The following AOPEP variants were observed in gnomAD, a reference collection of about 807,000 sequenced individuals.
AOPEP encodes the protein aminopeptidase O.
A neutral mutation model predicts 98.1 loss-of-function variants in AOPEP; 77 were observed. That is an observed-to-expected ratio of 0.78 (90% CI 0.65 to 0.95). The LOEUF is 0.95. Among genes scored for constraint, AOPEP ranks in the 40% least tolerant of loss-of-function variants. The pLI is 0.00. For missense variants in AOPEP, 1,024 were observed against 1,024.7 expected (o/e 1.00, Z 0.01); for synonymous variants, 346 against 365.3 (o/e 0.95, Z 0.60).
intron 1 of AOPEP, among the ~76,000 whole-genome samples, chr9:94,744,606 C>A (rs1476602759): frequency 1.4e-5 from 2 of 145,138 alleles, no homozygotes; most frequent in Admixed American, 7.2e-5. Flanking sequence ...GAGGCTGAGG[C>A]AGGAGAATCA....
the AOPEP span, among the ~76,000 whole-genome samples, chr9:95,132,292 G>A: frequency 0.074 from 11,273 of 152,314 alleles, 588 homozygotes; most frequent in South Asian, 0.24. Flanking sequence ...CCAAAGAATA[G>A]CTTTCTGGGC....
At chr9:95,085,595 C>A in intron 16 of AOPEP, 2 of 425,458 alleles carry the variant, frequency 4.7e-6, no homozygotes, top group Non-Finnish European at 9.5e-6. Context: ...GCTGACGGGC[C>A]GGCCGCTGCT....
intron 3 of AOPEP, among the ~76,000 whole-genome samples, chr9:94,775,410 G>T (rs1390837516): frequency 6.8e-6 from 1 of 148,080 alleles, no homozygotes; most frequent in African/African-American, 2.5e-5. Flanking sequence ...TTGCTCTGTC[G>T]CCAGGCTGGA....
chr9:94,864,821 G>A (rs1175869441), intron 5 of AOPEP, among the ~76,000 whole-genome samples: 1 of 152,170 alleles, frequency 6.6e-6, no homozygotes, highest in African/African-American at 2.4e-5. Flanking sequence ...ATAGGTTGCT[G>A]TTAGAGCCAG....
the AOPEP span, among the ~76,000 whole-genome samples, chr9:95,124,323 C>G: frequency 6.6e-6 from 1 of 152,112 alleles, no homozygotes; most frequent in African/African-American, 2.4e-5. Context: ...ATAAACATTA[C>G]TTCTGTGGCC....
intron 13 of AOPEP, among the ~76,000 whole-genome samples, chr9:95,009,063 C>T (rs546600777): frequency 2.3e-4 from 35 of 152,182 alleles, no homozygotes; most frequent in East Asian, 1.7e-3. Flanking sequence ...GAATAACTAA[C>T]GAAGAACAAT....
rs16911887 is a variant in AOPEP at position 94,972,323 on chromosome 9, G to A, written c.1916+4522G>A. On this transcript the variant is annotated intron_variant, in intron 10 of 16. Transcript: ENST00000375315. The surrounding 1 kb of genome is among the most constrained non-coding windows in gnomAD (Gnocchi z 4.2). ...GGCAGAGGGAGTGAAAGGGACGAGC[G>A]TTGGAAGGCAGAAAGATGCTGTCAG... 0.078 allele frequency among the ~76,000 whole-genome samples: 11,808 copies of A among 152,160 alleles called. 1,153 individuals carry two copies. Among genetic ancestry groups the A allele is most frequent in the African/African-American group, 0.23 (9,383 of 41,466 alleles).
chr9:95,003,406 T>C (rs1316470031), intron 11 of AOPEP, among the ~76,000 whole-genome samples: 1 of 152,220 alleles, frequency 6.6e-6, no homozygotes, highest in Non-Finnish European at 1.5e-5. Flanking sequence ...ACATCAATAT[T>C]GAATGGCTCA....
rs2067565994 is a variant in AOPEP at position 95,063,810 on chromosome 9, G to A, written c.2232+3000G>A. Among the ~76,000 whole-genome samples the A allele has an allele frequency of 5.3e-5, 8 of 152,214 alleles. No homozygotes were observed. The South Asian group carries it at 1.7e-3, about 32-fold the overall frequency. On this transcript the variant is annotated intron_variant, in intron 14 of 16. Coordinates refer to ENST00000375315, the MANE Select transcript of AOPEP (RefSeq NM_001193329.3). ...TCTTCTCCGGGGTGCTGCTTCACTG[G>A]AGGTCTCCCTTCAGGGTCTGGCCCT...
chr9:94,856,116 T>C (rs1366830924), intron 5 of AOPEP, among the ~76,000 whole-genome samples: 2 of 152,190 alleles, frequency 1.3e-5, no homozygotes, highest in Admixed American at 1.3e-4. Context: ...TGACCACGAA[T>C]GGCTGGGAAT....
At chr9:94,903,805 A>G (rs1588802704) in intron 5 of AOPEP, among the ~76,000 whole-genome samples, 1 of 144,322 alleles carries the variant, frequency 6.9e-6, no homozygotes, top group Admixed American at 7.2e-5. Context: ...AAGACAGGAG[A>G]ATTGCTTGAA....
intron 5 of AOPEP, among the ~76,000 whole-genome samples, chr9:94,915,992 A>G (rs1162354870): frequency 3.1e-4 from 47 of 152,172 alleles, no homozygotes; most frequent in Non-Finnish European, 1.5e-5. Flanking sequence ...AGCTGCCCCA[A>G]CGTGTCCCTC....
intron 3 of AOPEP, among the ~76,000 whole-genome samples, chr9:94,778,558 G>T (rs1842661318): frequency 6.6e-6 from 1 of 152,112 alleles, no homozygotes. Context: ...ATTTTGAGAA[G>T]AAGTCAAACC....
At chr9:94,886,456 T>A (rs1267617731) in intron 5 of AOPEP, among the ~76,000 whole-genome samples, 1 of 152,238 alleles carries the variant, frequency 6.6e-6, no homozygotes, top group African/African-American at 2.4e-5. Context: ...AAGAAGATTG[T>A]CACACTAGTT....
At chr9:94,755,112 T>G (rs1278457737) in intron 1 of AOPEP, among the ~76,000 whole-genome samples, 1 of 152,184 alleles carries the variant, frequency 6.6e-6, no homozygotes, top group Non-Finnish European at 1.5e-5. Flanking sequence ...CACACTTATT[T>G]TAGACACAGC....
At chr9:94,939,242 C>A (rs1341221204) in intron 7 of AOPEP, among the ~76,000 whole-genome samples, 13 of 128,302 alleles carry the variant, frequency 1.0e-4, no homozygotes, top group African/African-American at 3.4e-4. Context: ...AGTGAGACTT[C>A]GTGTCAGAAA....
At chr9:94,775,567 A>C (rs1418859418) in intron 3 of AOPEP, among the ~76,000 whole-genome samples, 1 of 152,044 alleles carries the variant, frequency 6.6e-6, no homozygotes, top group Admixed American at 6.5e-5. Context: ...GGGTTTCACC[A>C]TGTTGGCCAG....
intron 9 of AOPEP, among the ~76,000 whole-genome samples, chr9:94,961,830 AGTT>A (rs143539139): frequency 0.021 from 3,261 of 151,804 alleles, 128 homozygotes; most frequent in African/African-American, 0.075. Flanking sequence ...TTTCTATGTG[AGTT>A]GTTGTTGTGT....
chr9:94,804,824 G>C (rs577463446), intron 5 of AOPEP, among the ~76,000 whole-genome samples: 1 of 152,308 alleles, frequency 6.6e-6, no homozygotes, highest in East Asian at 1.9e-4. Context: ...ATAAAATCAA[G>C]TAAGTGTCAC....
Sources: allele counts gnomAD v4.1 joint callset (sites outside exome capture counted in the v4.1 genomes callset), GRCh38; gene constraint gnomAD v4.1.1; non-coding constraint Gnocchi (gnomAD v3.1); transcripts MANE v1.5; gene names NCBI Gene and HGNC (gene_info 2026-07-23, HGNC 2026-07-21).